MAP2K4: variants seen among roughly 807,000 people sequenced by gnomAD.
The protein encoded by MAP2K4 is mitogen-activated protein kinase kinase 4, also known as dual specificity mitogen-activated protein kinase kinase 4.
A neutral mutation model predicts 48.5 loss-of-function variants in MAP2K4; 4 were observed. The ratio of observed to expected loss-of-function variants is 0.08; its 90% confidence interval spans 0.04 to 0.19. The LOEUF (loss-of-function observed/expected upper bound fraction) is 0.19, where lower values mean the gene tolerates loss of function less well. Among genes scored for constraint, MAP2K4 ranks in the 10% least tolerant of loss-of-function variants. MAP2K4 has a pLI of 1.00. For missense variants in MAP2K4, 258 were observed against 493.3 expected, an observed-to-expected ratio of 0.52 and a Z score of 4.52; for synonymous variants, 166 against 173.1, an observed-to-expected ratio of 0.96 and a Z score of 0.32.
chr17:12,055,230 T>TC (rs1279004786), intron 2 of MAP2K4, among the ~76,000 whole-genome samples: 2 of 152,116 alleles, frequency 1.3e-5, no homozygotes, highest in African/African-American at 4.8e-5. Flanking sequence ...TAGAGTCCCA[T>TC]CTTAATAAGC....
chr17:12,138,786 A>T (rs1215181459), intron 9 of MAP2K4, among the ~76,000 whole-genome samples: 5 of 152,176 alleles, frequency 3.3e-5, no homozygotes, highest in Non-Finnish European at 5.9e-5. Context: ...GGGCAGAAGA[A>T]GTTCAGTTGC....
intron 1 of MAP2K4, among the ~76,000 whole-genome samples, chr17:12,026,620 T>C (rs1323031883): frequency 6.6e-6 from 1 of 152,238 alleles, no homozygotes; most frequent in Non-Finnish European, 1.5e-5. Flanking sequence ...CCTGGGTGAC[T>C]GGTAGCCTTT....
intron 2 of MAP2K4, among the ~76,000 whole-genome samples, chr17:12,056,546 G>A (rs1282844265): frequency 6.6e-6 from 1 of 152,008 alleles, no homozygotes; most frequent in African/African-American, 2.4e-5. Context: ...AAAGGACATG[G>A]TAATAGGTAG....
chr17:12,044,260 T>C (rs1969888161), intron 1 of MAP2K4, among the ~76,000 whole-genome samples: 1 of 152,176 alleles, frequency 6.6e-6, no homozygotes, highest in African/African-American at 2.4e-5. Flanking sequence ...AATCCCATAA[T>C]GGGTTGTCTA....
intron 3 of MAP2K4, among the ~76,000 whole-genome samples, chr17:12,083,442 T>G (rs1167882724): frequency 2.0e-5 from 3 of 152,200 alleles, no homozygotes; most frequent in Non-Finnish European, 4.4e-5. Flanking sequence ...TTCAAGGCAG[T>G]CATGAGACCT....
At chr17:12,037,142 A>T (rs934897654) in intron 1 of MAP2K4, among the ~76,000 whole-genome samples, 1 of 152,162 alleles carries the variant, frequency 6.6e-6, no homozygotes, top group Non-Finnish European at 1.5e-5. Flanking sequence ...AAATTAGAGT[A>T]CAGGTGGCGG....
In MAP2K4 at chr17:12,101,058, T is replaced by C. The variant is rs552466271; in HGVS notation, c.513+5364T>C. On this transcript the variant is annotated intron_variant, in intron 4 of 10. Transcript: ENST00000353533. ...CAGTGTTTTTGGAGAGCAAAAGTTT[T>C]TAATGTTGATATAGGCCAATTTTTA... Among the ~76,000 whole-genome samples, 21 of 152,266 alleles carry C rather than the reference T, an allele frequency of 1.4e-4. No individual in the cohort carries two copies. The East Asian group carries it at 3.3e-3, about 24-fold the overall frequency.
chr17:12,122,658 T>C (rs976000426), intron 7 of MAP2K4, among the ~76,000 whole-genome samples: 1 of 152,170 alleles, frequency 6.6e-6, no homozygotes, highest in African/African-American at 2.4e-5. Flanking sequence ...GGCTGGGTCC[T>C]CCAGTAGAAT....
intron 3 of MAP2K4, among the ~76,000 whole-genome samples, chr17:12,088,555 A>T (rs980444519): frequency 4.7e-5 from 2 of 42,528 alleles, no homozygotes; most frequent in Admixed American, 9.3e-4. Flanking sequence ...TATCTAATAT[A>T]TAATATATAT....
chr17:12,023,238 A>G (rs1040172548), intron 1 of MAP2K4, among the ~76,000 whole-genome samples: 1 of 152,222 alleles, frequency 6.6e-6, no homozygotes, highest in Non-Finnish European at 1.5e-5. Context: ...ACAGTCTGTT[A>G]TAAAGCTTGA....
intron 5 of MAP2K4, 58 bp downstream of exon 5, chr17:12,107,967 G>A: frequency 2.1e-6 from 3 of 1,398,546 alleles, no homozygotes; most frequent in East Asian, 2.6e-5. Flanking sequence ...AGATGCTGCT[G>A]GAGTTTTGAA....
chr17:12,027,085 G>A (rs1969275682), intron 1 of MAP2K4: 1 of 152,184 alleles, frequency 6.6e-6, no homozygotes, highest in Admixed American at 6.5e-5. Context: ...TTTTGCTAGT[G>A]GATGTGGGTT....
At chr17:12,089,697 ACT>A (rs1340333062) in intron 3 of MAP2K4, among the ~76,000 whole-genome samples, 2 of 152,120 alleles carry the variant, frequency 1.3e-5, no homozygotes, top group African/African-American at 2.4e-5. Context: ...CCTCTCGGAC[ACT>A]CAGCTGAGCC....
intron 1 of MAP2K4, among the ~76,000 whole-genome samples, chr17:12,050,691 G>A (rs1970112916): frequency 1.3e-5 from 2 of 152,164 alleles, no homozygotes; most frequent in Admixed American, 6.6e-5. Context: ...TGTTAAAAAG[G>A]TTTGTATTGC....
chr17:12,031,580 G>A (rs1969439176), intron 1 of MAP2K4, among the ~76,000 whole-genome samples: 1 of 152,182 alleles, frequency 6.6e-6, no homozygotes, highest in Admixed American at 6.5e-5. Flanking sequence ...TGTATACAGT[G>A]TATACATAAG....
chr17:12,032,104 T>A (rs570126015), intron 1 of MAP2K4, among the ~76,000 whole-genome samples: 38 of 152,310 alleles, frequency 2.5e-4, no homozygotes, highest in Middle Eastern at 6.8e-3. Flanking sequence ...CTAAGTTTTT[T>A]AAGAAAGCTC....
intron 6 of MAP2K4, 137 bp downstream of exon 6, chr17:12,110,563 A>G (rs897739482): frequency 1.6e-6 from 1 of 629,588 alleles, no homozygotes; most frequent in Non-Finnish European, 2.8e-6. Context: ...TGCTTTATGT[A>G]CTTTAAAACT....
At chr17:12,103,683 CCATATGTGCATTTTCCCCTA>C (rs1972014675) in intron 4 of MAP2K4, among the ~76,000 whole-genome samples, 1 of 152,078 alleles carries the variant, frequency 6.6e-6, no homozygotes, top group Non-Finnish European at 1.5e-5. Flanking sequence ...TTTAGGTCAT[CCATATGTGCATTTTCCCCTA>C]CATTTTACAT....
At chr17:12,032,650 G>A (rs1293407284) in intron 1 of MAP2K4, among the ~76,000 whole-genome samples, 5 of 152,046 alleles carry the variant, frequency 3.3e-5, no homozygotes, top group Admixed American at 1.3e-4. Context: ...AAAGTATAGA[G>A]TTATATTCAG....
Sources: allele counts gnomAD v4.1 joint callset (sites outside exome capture counted in the v4.1 genomes callset), GRCh38; gene constraint gnomAD v4.1.1; transcripts MANE v1.5; gene names NCBI Gene and HGNC (gene_info 2026-07-23, HGNC 2026-07-21).